The following MASP1 variants were observed in gnomAD, a reference collection of about 807,000 sequenced individuals.
MASP1 encodes MBL associated serine protease 1, also known as mannan-binding lectin serine protease 1.
Under a neutral mutation model 77.1 loss-of-function variants are expected in MASP1, and 59 were observed. The observed-to-expected ratio is 0.77, with a 90% CI of 0.62 to 0.95. MASP1 has a LOEUF of 0.95. Among genes scored for constraint, MASP1 ranks in the 40% least tolerant of loss-of-function variants. The probability of loss-of-function intolerance (pLI) is 0.00; values close to 1 mark genes in which losing one functional copy is unlikely to be tolerated. For missense variants in MASP1, 885 were observed against 912.9 expected (o/e 0.97, Z 0.39); for synonymous variants, 362 against 354.5 (o/e 1.02, Z -0.24).
intron 14 of MASP1, among the ~76,000 whole-genome samples, chr3:187,222,520 G>C (rs898145502): frequency 5.9e-5 from 9 of 152,158 alleles, no homozygotes; most frequent in Non-Finnish European, 1.2e-4. Context: ...GGTGATATCA[G>C]AGCCAAGCAA....
At chr3:187,258,934 G>A (rs779307346) in intron 4 of MASP1, among the ~76,000 whole-genome samples, 1 of 152,160 alleles carries the variant, frequency 6.6e-6, no homozygotes, top group Non-Finnish European at 1.5e-5. Flanking sequence ...TTCTCAAATT[G>A]TTCTTTGCTC....
chr3:187,235,014 C>T lies in MASP1; in HGVS notation c.*670G>A, dbSNP rs918527215. 1 of 1,287,102 alleles carries T rather than the reference C, an allele frequency of 7.8e-7. No homozygotes were observed. The highest frequency in any genetic ancestry group is 1.5e-5 in the African/African-American group (1 of 65,786). The allele number at this position is 1,287,102 out of a possible 1,614,324, so 79.7% of individuals were successfully genotyped here. ...GCTCCCAGCAGTCAGCACAAACCTT[C>T]CCAACTTTCTCCATGTCTTTTGAAA... On this transcript the variant is annotated 3_prime_UTR_variant, in exon 11 of 11. Coordinates refer to ENST00000296280, the MANE Select transcript of MASP1 (RefSeq NM_139125.4).
chr3:187,251,424 A>C (rs563732403), intron 7 of MASP1: 37 of 564,298 alleles, frequency 6.6e-5, no homozygotes, highest in East Asian at 1.2e-4. Flanking sequence ...AAAAAAAAAA[A>C]AAAACAAACT....
At chr3:187,237,492 G>C (rs867719951) in intron 10 of MASP1, among the ~76,000 whole-genome samples, 4 of 152,350 alleles carry the variant, frequency 2.6e-5, no homozygotes, top group Admixed American at 1.3e-4. Flanking sequence ...GGGAAAGGTG[G>C]CATAATCTAT....
chr3:187,236,549 C>G lies in MASP1; in HGVS notation c.1322G>C (p.Arg441Pro). The G allele has an allele frequency of 1.2e-6, 2 of 1,613,796 alleles. No individual in the cohort carries two copies. Among genetic ancestry groups the G allele is most frequent in the Non-Finnish European group, 1.7e-6 (2 of 1,179,904 alleles). The part of the protein sequence containing the change: ...TCLPECGQPS[R>P]SLPSLVKRII... ...CCTCTTGACCAGGCTTGGCAGGGAGCGGGAGGGCTGACCACACTCTGTAAG... is the reference window on the plus strand; with the variant it reads ...CCTCTTGACCAGGCTTGGCAGGGAGGGGGAGGGCTGACCACACTCTGTAAG... Residue 441 changes from arginine to proline, a missense_variant, in exon 11 of 11, where the codon CGC becomes CCC. Physicochemically the swap from Arg to Pro is moderately radical, Grantham distance 103 (BLOSUM62 -2). Coordinates refer to ENST00000296280, the MANE Select transcript of MASP1 (RefSeq NM_139125.4).
intron 3 of MASP1, among the ~76,000 whole-genome samples, chr3:187,261,129 G>A (rs1017654619): frequency 1.3e-5 from 2 of 152,116 alleles, no homozygotes; most frequent in African/African-American, 2.4e-5. Flanking sequence ...ACTTCTGGTG[G>A]GACCACTATC....
chr3:187,289,347 T>C (rs977404623), intron 1 of MASP1, among the ~76,000 whole-genome samples: 3 of 152,182 alleles, frequency 2.0e-5, no homozygotes, highest in Non-Finnish European at 4.4e-5. Flanking sequence ...AGGGACTGCA[T>C]GGATCCTTTA....
intron 2 of MASP1, among the ~76,000 whole-genome samples, chr3:187,281,577 G>A (rs1220561148): frequency 6.6e-6 from 1 of 152,214 alleles, no homozygotes; most frequent in African/African-American, 2.4e-5. Flanking sequence ...TACCACCAAG[G>A]CATCCCCAGC....
At chr3:187,220,260 C>A in exon 16 of MASP1, 1 of 1,613,890 alleles carries the variant, frequency 6.2e-7, no homozygotes, top group Non-Finnish European at 8.5e-7. Flanking sequence ...CGTCCTTTCC[C>A]CCTAGGTGAA....
At chr3:187,282,578 C>T (rs1275679534) in intron 2 of MASP1, among the ~76,000 whole-genome samples, 1 of 151,934 alleles carries the variant, frequency 6.6e-6, no homozygotes, top group African/African-American at 2.4e-5. Flanking sequence ...TGAGATGCGT[C>T]CCCAGAGGGC....
exon 13 of MASP1, chr3:187,225,494 A>C: frequency 6.2e-7 from 1 of 1,614,028 alleles, no homozygotes; most frequent in Non-Finnish European, 8.5e-7. Flanking sequence ...ATCTGACCGG[A>C]GCCTCCAATG....
At chr3:187,261,916 T>C (rs532467214) in intron 3 of MASP1, among the ~76,000 whole-genome samples, 23 of 152,356 alleles carry the variant, frequency 1.5e-4, no homozygotes, top group African/African-American at 5.1e-4. Context: ...TACTGATGCA[T>C]GCGACACATG....
intron 2 of MASP1, among the ~76,000 whole-genome samples, chr3:187,279,459 CT>C (rs11334085): frequency 0.72 from 110,101 of 152,100 alleles, 40,207 homozygotes; most frequent in African/African-American, 0.83. Context: ...ATAATTCTTT[CT>C]TTTTTTTACA....
Position 187,235,586 on chromosome 3 carries a change from T to C in MASP1, c.*98A>G. ...GAGAAGCCACCGCTAGGTCAGTGTGTTCCATTCCATATGGTCTGATAAGTA... is the reference window on the plus strand; with the variant it reads ...GAGAAGCCACCGCTAGGTCAGTGTGCTCCATTCCATATGGTCTGATAAGTA... On this transcript the variant is annotated 3_prime_UTR_variant, in exon 11 of 11. Coordinates refer to ENST00000296280, the MANE Select transcript of MASP1 (RefSeq NM_139125.4). The C allele has an allele frequency of 1.9e-6, 3 of 1,589,352 alleles. No individual in the cohort carries two copies. The highest frequency in any genetic ancestry group is 2.6e-6 in the Non-Finnish European group (3 of 1,175,232).
At chr3:187,233,111 C>G (rs1004435396), downstream of MASP1, among the ~76,000 whole-genome samples, 1 of 152,222 alleles carries the variant, frequency 6.6e-6, no homozygotes, top group Non-Finnish European at 1.5e-5. Flanking sequence ...CTCATCAGGA[C>G]AGTTGCAGAA....
At chr3:187,276,288 T>C (rs1716964062) in intron 2 of MASP1, among the ~76,000 whole-genome samples, 1 of 152,258 alleles carries the variant, frequency 6.6e-6, no homozygotes, top group South Asian at 2.1e-4. Context: ...AATTTAGTTA[T>C]GTATTATGTT....
In MASP1 at chr3:187,251,739, T is replaced by G; in HGVS notation, c.906A>C (p.Pro302=). The G allele has an allele frequency of 6.2e-7, 1 of 1,613,838 alleles. No individual in the cohort carries two copies. Among genetic ancestry groups the G allele is most frequent in the Non-Finnish European group, 8.5e-7 (1 of 1,179,728 alleles). The change falls in exon 7 of 11, where the codon CCA becomes CCC. Residue 302 remains proline (P), a synonymous_variant. Coordinates refer to ENST00000296280, the MANE Select transcript of MASP1 (RefSeq NM_139125.4). The stretch of plus-strand genomic sequence containing the variant: ...TCCCATGGACAGGAGGCTGTAGCTC[T>G]GGGCACTCATTTCCTGGTGAGGAGC... ...LSYRAAGNEC[P]ELQPPVHGKI...
downstream of MASP1, among the ~76,000 whole-genome samples, chr3:187,230,204 C>T (rs1712685472): frequency 6.6e-6 from 1 of 152,158 alleles, no homozygotes. Flanking sequence ...CTTGGCTGGA[C>T]CAATGAAAGC....
intron 9 of MASP1, chr3:187,242,652 G>A (rs1304135230): frequency 6.5e-6 from 1 of 152,860 alleles, no homozygotes; most frequent in Admixed American, 6.5e-5. Flanking sequence ...GACTATGAGT[G>A]CATGTGAGCG....
Sources: gnomAD v4.1 joint callset for allele counts (sites outside exome capture counted in the v4.1 genomes callset) on GRCh38, gnomAD v4.1.1 for gene constraint, MANE v1.5 for transcripts, NCBI Gene and HGNC (gene_info 2026-07-23, HGNC 2026-07-21) for gene names.